The following NBPF8 variants were observed in gnomAD, a reference collection of about 807,000 sequenced individuals.
NBPF8 encodes the protein NBPF family member NBPF8.
chr1:120,467,656 AAAG>A (rs1661774070), exon 25 of NBPF8: 3 of 147,548 alleles, frequency 2.0e-5, no homozygotes, highest in East Asian at 4.1e-4. Flanking sequence ...GCTGTTGCAA[AAAG>A]AAGAAAACAT....
At chr1:120,431,723 A>G (rs1660886213), upstream of NBPF8, among the ~76,000 whole-genome samples, 1 of 151,848 alleles carries the variant, frequency 6.6e-6, no homozygotes, top group Admixed American at 6.6e-5. Context: ...CAGTTTCTTA[A>G]AGGTTAAACA....
chr1:120,450,027 G>T (rs1279913819), intron 11 of NBPF8, among the ~76,000 whole-genome samples: 58 of 152,060 alleles, frequency 3.8e-4, no homozygotes, highest in Non-Finnish European at 6.3e-4. Context: ...AGGAGTTTGG[G>T]ACCAGCCTGG....
intron 13 of NBPF8, among the ~76,000 whole-genome samples, 171 bp downstream of exon 11, chr1:120,452,502 G>T (rs1553249079): frequency 1.3e-4 from 19 of 151,888 alleles, no homozygotes; most frequent in Non-Finnish European, 2.2e-4. Context: ...AAACCCATGG[G>T]GTTGGAGGTC....
downstream of NBPF8, among the ~76,000 whole-genome samples, chr1:120,469,006 G>A (rs1346796203): frequency 1.8e-4 from 27 of 151,958 alleles, no homozygotes; most frequent in Non-Finnish European, 7.4e-5. Context: ...TGAAGTGTAT[G>A]TTGAGAAATT....
rs1660623710 is a variant in NBPF8 at position 120,423,379 on chromosome 1, T to C, written n.270-2368T>C. Among the ~76,000 whole-genome samples the C allele has an allele frequency of 2.8e-5, 3 of 108,140 alleles. 1 individual carries two copies. The highest frequency in any genetic ancestry group is 5.6e-5 in the Non-Finnish European group (3 of 53,332). 70.9% of individuals were successfully genotyped at this position (108,140 alleles called of 152,430 possible). A position where few individuals can be genotyped will look rare whatever the true frequency, so the allele number is the denominator to read the frequency against. On this transcript the variant is annotated intron_variant and non_coding_transcript_variant, in intron 1 of 28. Coordinates refer to the NBPF8 transcript ENST00000652355. Reference sequence around the variant, plus strand: ...AGCACCACTAGTTGGAAAGGCTATCTTTGCTGCTTTAAATTGTCTCTAAAC... The same window carrying C: ...AGCACCACTAGTTGGAAAGGCTATCCTTGCTGCTTTAAATTGTCTCTAAAC...
rs1306774529 is a variant in NBPF8 at position 120,450,194 on chromosome 1, T to C, written n.1971+792T>C. Reference sequence around the variant, plus strand: ...GTGAGCCAAGGTTTTGCCATTGCACTCCAGCCTGGGCGACAGGGCAAGACT... The same window carrying C: ...GTGAGCCAAGGTTTTGCCATTGCACCCCAGCCTGGGCGACAGGGCAAGACT... On this transcript the variant is annotated intron_variant and non_coding_transcript_variant, in intron 11 of 24. Coordinates refer to ENST00000583271, the Ensembl canonical transcript of NBPF8. Among the ~76,000 whole-genome samples, 40 of 152,158 alleles carry C rather than the reference T, an allele frequency of 2.6e-4. 1 individual carries two copies. Among genetic ancestry groups the C allele is most frequent in the Middle Eastern group, 3.4e-3 (1 of 294 alleles).
chr1:120,422,120 G>A (rs1660594038), intron 1 of NBPF8, among the ~76,000 whole-genome samples: 1 of 152,228 alleles, frequency 6.6e-6, no homozygotes. Context: ...GAAAAATGGA[G>A]TGGATAGTAC....
intron 1 of NBPF8, among the ~76,000 whole-genome samples, chr1:120,425,388 G>T (rs1660695060): frequency 6.6e-6 from 1 of 152,008 alleles, no homozygotes; most frequent in Admixed American, 6.6e-5. Flanking sequence ...GCATTGAGAT[G>T]TTTCTGTATA....
At chr1:120,430,925 T>G (rs1171869950) in intron 3 of NBPF8, among the ~76,000 whole-genome samples, 1 of 151,724 alleles carries the variant, frequency 6.6e-6, no homozygotes, top group Admixed American at 6.6e-5. Flanking sequence ...CTTCGTAAAT[T>G]GATCTCCAGA....
At chr1:120,468,585 C>A (rs1393128169), downstream of NBPF8, among the ~76,000 whole-genome samples, 4 of 151,076 alleles carry the variant, frequency 2.6e-5, no homozygotes, top group African/African-American at 9.8e-5. Flanking sequence ...TTACTTCACT[C>A]ATTTGTTCTC....
intron 13 of NBPF8, 89 bp from the exon 12 acceptor site, chr1:120,453,283 G>T: frequency 1.7e-6 from 1 of 580,602 alleles, no homozygotes; most frequent in Non-Finnish European, 3.1e-6. Flanking sequence ...CCCATGCCTA[G>T]ATGTTCATGT....
chr1:120,463,051 A>G, intron 21 of NBPF8, 85 bp downstream of exon 19: 1 of 630,126 alleles, frequency 1.6e-6, no homozygotes, highest in Non-Finnish European at 2.8e-6. Context: ...GCCCTTACTG[A>G]CCCGAGAGAT....
At chr1:120,431,883 AAG>A (rs1294229487), upstream of NBPF8, among the ~76,000 whole-genome samples, 4 of 144,380 alleles carry the variant, frequency 2.8e-5, no homozygotes, top group African/African-American at 1.0e-4. Context: ...ACTGGGGAGG[AAG>A]AGAGTTTTGA....
At chr1:120,459,160 G>T (rs1252214821) in intron 16 of NBPF8, among the ~76,000 whole-genome samples, 282 of 124,642 alleles carry the variant, frequency 2.3e-3, no homozygotes, top group Non-Finnish European at 3.4e-3. Flanking sequence ...AATGTACTGA[G>T]CACATGCTGC....
intron 15 of NBPF8, among the ~76,000 whole-genome samples, chr1:120,454,672 G>A (rs1661383547): frequency 7.8e-6 from 1 of 128,438 alleles, no homozygotes; most frequent in African/African-American, 3.1e-5. Context: ...CAATGCAATG[G>A]CTGATCCAAT....
At chr1:120,459,453 T>C in exon 17 of NBPF8, 1 of 1,610,934 alleles carries the variant, frequency 6.2e-7, no homozygotes, top group Non-Finnish European at 8.5e-7. Context: ...CCTGAAATGT[T>C]GGCCTCGTAC....
At chr1:120,423,264 C>CGTGTAAGGTTACGTGTA (rs1660621098) in intron 1 of NBPF8, among the ~76,000 whole-genome samples, 2 of 121,474 alleles carry the variant, frequency 1.6e-5, no homozygotes, top group Admixed American at 1.5e-4. Context: ...TTGCACCTTA[C>CGTGTAAGGTTACGTGTA]ATTTACGTGT....
exon 25 of NBPF8, chr1:120,466,152 T>C: frequency 2.5e-6 from 4 of 1,610,110 alleles, no homozygotes; most frequent in Non-Finnish European, 3.4e-6. Context: ...ACATGGACAA[T>C]AGGTTCTTTA....
chr1:120,456,593 T>G (rs1262629492), intron 16 of NBPF8, among the ~76,000 whole-genome samples: 2 of 132,658 alleles, frequency 1.5e-5, no homozygotes, highest in East Asian at 3.9e-4. Context: ...AACCCCTGCC[T>G]TTTTTTGTTT....
Sources: gnomAD v4.1 joint callset for allele counts (sites outside exome capture counted in the v4.1 genomes callset) on GRCh38, gnomAD v4.1.1 for gene constraint, MANE v1.5 for transcripts, NCBI Gene and HGNC (gene_info 2026-07-23, HGNC 2026-07-21) for gene names.